The following CELF5 variants were observed in gnomAD, a reference collection of about 807,000 sequenced individuals.
CELF5 encodes the protein CUGBP Elav-like family member 5.
In CELF5, 6 loss-of-function variants were observed where a neutral mutation model predicts 54.9. The ratio of observed to expected loss-of-function variants is 0.11; its 90% confidence interval spans 0.06 to 0.22. CELF5 has a LOEUF of 0.22. CELF5 is among the 10% of genes least tolerant of loss of function. The pLI is 1.00. For synonymous variants in CELF5, 271 were observed against 290.9 expected (o/e 0.93, Z 0.70); for missense variants, 401 against 678.6 (o/e 0.59, Z 4.54).
intron 2 of CELF5, among the ~76,000 whole-genome samples, chr19:3,262,677 G>A (rs1272780103): frequency 6.6e-6 from 1 of 152,100 alleles, no homozygotes; most frequent in Non-Finnish European, 1.5e-5. Context: ...AGGGCCGGGC[G>A]CAGTGGCTCA....
At chr19:3,259,793 A>G (rs2145180100) in intron 2 of CELF5, among the ~76,000 whole-genome samples, 1 of 151,526 alleles carries the variant, frequency 6.6e-6, no homozygotes, top group Non-Finnish European at 1.5e-5. Context: ...TGCTGCTGGC[A>G]TGGAGTGGGT....
At chr19:3,257,785 TTTTA>T (rs1204284655) in intron 2 of CELF5, among the ~76,000 whole-genome samples, 3,809 of 80,244 alleles carry the variant, frequency 0.047, 89 homozygotes, top group Non-Finnish European at 0.07. Flanking sequence ...CTCCATTTTT[TTTTA>T]TTTATTTATT....
chr19:3,273,698 G>A (rs144577635), intron 2 of CELF5, among the ~76,000 whole-genome samples, 174 bp from the exon 3 acceptor site: 177 of 152,310 alleles, frequency 1.2e-3, no homozygotes, highest in African/African-American at 3.0e-3. Context: ...CACAGTTTCC[G>A]CTGTAGGTGG....
chr19:3,225,723 C>A, intron 1 of CELF5: 1 of 292,852 alleles, frequency 3.4e-6, no homozygotes, highest in Non-Finnish European at 5.1e-6. Flanking sequence ...CACCCCCTGG[C>A]CCCACCACCT....
chr19:3,255,787 A>G (rs1213951054), intron 2 of CELF5, among the ~76,000 whole-genome samples: 1 of 152,112 alleles, frequency 6.6e-6, no homozygotes, highest in Non-Finnish European at 1.5e-5. Flanking sequence ...AAGGTGGGTC[A>G]GGCGCGGTGG....
At chr19:3,296,688 T>C (rs1384107328) in intron 12 of CELF5, 70 bp from the exon 13 acceptor site, 1 of 152,224 alleles carries the variant, frequency 6.6e-6, no homozygotes, top group Non-Finnish European at 1.5e-5. Context: ...TGTGCCGGTG[T>C]GCAGTTGTAC....
At chr19:3,255,538 C>T (rs1204897468) in intron 2 of CELF5, among the ~76,000 whole-genome samples, 1 of 152,098 alleles carries the variant, frequency 6.6e-6, no homozygotes, top group Non-Finnish European at 1.5e-5. Context: ...GGGCATCAGC[C>T]TCTTCTCCTC....
chr19:3,225,101 C>T, intron 1 of CELF5, 103 bp downstream of exon 1: 2 of 754,784 alleles, frequency 2.6e-6, no homozygotes, highest in South Asian at 3.9e-5. Flanking sequence ...GCTCACCTCC[C>T]TCCTCTGCCT....
intron 1 of CELF5, among the ~76,000 whole-genome samples, chr19:3,244,965 T>C (rs1023485974): frequency 1.0e-4 from 15 of 145,694 alleles, no homozygotes; most frequent in African/African-American, 3.6e-4. Context: ...GCATCTTGTC[T>C]GCGTGTGTGT....
chr19:3,232,619 G>C (rs1241745412), intron 1 of CELF5, among the ~76,000 whole-genome samples: 1 of 152,028 alleles, frequency 6.6e-6, no homozygotes, highest in African/African-American at 2.4e-5. Context: ...GCATATTGTA[G>C]GTGTTCTCCA....
At chr19:3,231,724 A>G (rs1042276522) in intron 1 of CELF5, among the ~76,000 whole-genome samples, 1 of 81,938 alleles carries the variant, frequency 1.2e-5, no homozygotes, top group Non-Finnish European at 2.3e-5. Context: ...AGATTGGTGG[A>G]TGATGGGGGA....
rs1304297673 is a variant in CELF5, at chr19:3,234,458, T to C, written c.259+9460T>C. ...ACTTGGCAATGTCTGGAGACATTTG[T>C]GGTTGTCATGATTTGGGGGTGCTTC... On this transcript the variant is annotated intron_variant, in intron 1 of 12. Coordinates refer to ENST00000292672, the MANE Select transcript of CELF5 (RefSeq NM_021938.4). 2.0e-5 allele frequency among the ~76,000 whole-genome samples: 3 copies of C among 152,126 alleles called. No individual in the cohort carries two copies. The East Asian group carries it at 5.8e-4, about 29-fold the overall frequency.
chr19:3,231,812 G>A (rs1322732914), intron 1 of CELF5, among the ~76,000 whole-genome samples: 1 of 150,646 alleles, frequency 6.6e-6, no homozygotes, highest in African/African-American at 2.4e-5. Flanking sequence ...ATGGGTAGGT[G>A]GGTGGATAGA....
In CELF5 at chr19:3,282,384, G is replaced by T; in HGVS notation, c.925G>T (p.Ala309Ser). 1 of 1,611,112 alleles carries T rather than the reference G, an allele frequency of 6.2e-7. No individual in the cohort carries two copies. Among genetic ancestry groups the T allele is most frequent in the Non-Finnish European group, 8.5e-7 (1 of 1,180,006 alleles). Residue 309 changes from alanine (A) to serine (S), a missense_variant, in exon 8 of 13, where the codon GCT becomes TCT. Around this residue, in one of 6 missense-constraint regions of CELF5, gnomAD observed 143 missense variants for 147.6 expected, o/e 0.97. Transcript: ENST00000292672. This position sits in a 1 kb window ranked among gnomAD's most constrained non-coding sequence, Gnocchi z 5.2. ...CTCACCCCCGCTGCTGGGCACCACC[G>T]CTGTGCCTGGCCTCGTGGCTCCCAT... ...LHSPPLLGTT[A>S]VPGLVAPITN...
intron 5 of CELF5, among the ~76,000 whole-genome samples, chr19:3,279,325 C>T (rs965125030): frequency 3.3e-5 from 5 of 151,952 alleles, no homozygotes; most frequent in Admixed American, 1.3e-4. Flanking sequence ...GCCCTTCCCC[C>T]GAGGAAGGAG....
intron 2 of CELF5, among the ~76,000 whole-genome samples, chr19:3,263,388 C>T (rs563601319): frequency 7.3e-4 from 110 of 151,566 alleles, no homozygotes; most frequent in Admixed American, 2.3e-3. Flanking sequence ...GGTGAAACTC[C>T]GTCTCTACTC....
rs1457303173 is a variant in CELF5, at chr19:3,228,919, C to T, written c.259+3921C>T. Reference sequence around the variant, plus strand: ...GTGTGTGTGTGTGTGTGTGTGTACGCGGGCGCGCGCCTGGGAAGGACTCCT... The same window carrying T: ...GTGTGTGTGTGTGTGTGTGTGTACGTGGGCGCGCGCCTGGGAAGGACTCCT... On this transcript the variant is annotated intron_variant, in intron 1 of 12. Coordinates refer to ENST00000292672, the MANE Select transcript of CELF5 (RefSeq NM_021938.4). The surrounding 1 kb of genome is among the most constrained non-coding windows in gnomAD (Gnocchi z 6.0). Among the ~76,000 whole-genome samples, 5 of 144,040 alleles carry T rather than the reference C, an allele frequency of 3.5e-5. No individual in the cohort carries two copies. The highest frequency in any genetic ancestry group is 2.2e-4 in the South Asian group (1 of 4,562). 94.5% of individuals were successfully genotyped at this position (144,040 alleles called of 152,430 possible). A position where few individuals can be genotyped will look rare whatever the true frequency, so the allele number is the denominator to read the frequency against.
chr19:3,264,715 C>CT (rs199916655), intron 2 of CELF5, among the ~76,000 whole-genome samples: 3,826 of 143,042 alleles, frequency 0.027, 152 homozygotes, highest in African/African-American at 0.082. Flanking sequence ...CACACCCGGC[C>CT]TTTTTTTTTT....
intron 1 of CELF5, among the ~76,000 whole-genome samples, chr19:3,249,983 C>G (rs2079625569): frequency 6.6e-6 from 1 of 152,150 alleles, no homozygotes; most frequent in Non-Finnish European, 1.5e-5. Flanking sequence ...CAGCCACTGA[C>G]TTTGTTAATG....
Sources: allele counts gnomAD v4.1 joint callset (sites outside exome capture counted in the v4.1 genomes callset), GRCh38; gene constraint gnomAD v4.1.1; regional missense constraint gnomAD v4.1.1; non-coding constraint Gnocchi (gnomAD v3.1); transcripts MANE v1.5; gene names NCBI Gene and HGNC (gene_info 2026-07-23, HGNC 2026-07-21).